Variants in RPH3A observed in about 807,000 individuals in gnomAD.
RPH3A encodes rabphilin-3A.
In RPH3A, 48 loss-of-function variants were observed where a neutral mutation model predicts 102.2. That is an observed-to-expected ratio of 0.47 (90% CI 0.37 to 0.60). The LOEUF (loss-of-function observed/expected upper bound fraction) is 0.60, where lower values mean the gene tolerates loss of function less well. RPH3A is among the 20% of genes least tolerant of loss of function. RPH3A has a pLI of 0.00. For synonymous variants in RPH3A, 310 were observed against 324.3 expected (o/e 0.96, Z 0.47); for missense variants, 781 against 910.1 (o/e 0.86, Z 1.83).
At chr12:112,612,777 G>A (rs2039649049) in intron 1 of RPH3A, among the ~76,000 whole-genome samples, 1 of 151,326 alleles carries the variant, frequency 6.6e-6, no homozygotes, top group African/African-American at 2.4e-5. Flanking sequence ...AGTTTCATCA[G>A]ATTGCCCAAG....
upstream of RPH3A, among the ~76,000 whole-genome samples, chr12:112,788,829 C>G (rs1008055354): frequency 6.6e-6 from 1 of 152,138 alleles, no homozygotes; most frequent in African/African-American, 2.4e-5. Context: ...AAATGACTTT[C>G]ATTTCTCCCT....
intron 14 of RPH3A, 28 bp from the exon 15 acceptor site, chr12:112,881,744 C>T (rs765005593): frequency 1.3e-6 from 2 of 1,577,254 alleles, no homozygotes; most frequent in Non-Finnish European, 1.7e-6. Flanking sequence ...TCCTGAGGCC[C>T]TCACACCATT....
chr12:112,740,987 G>A (rs2040705022), intron 1 of RPH3A, among the ~76,000 whole-genome samples: 1 of 152,120 alleles, frequency 6.6e-6, no homozygotes, highest in Non-Finnish European at 1.5e-5. Flanking sequence ...TGCACTCCCA[G>A]TCACTTCTCG....
intron 1 of RPH3A, among the ~76,000 whole-genome samples, chr12:112,587,441 A>G (rs2039446970): frequency 6.6e-6 from 1 of 152,186 alleles, no homozygotes; most frequent in African/African-American, 2.4e-5. Flanking sequence ...GAGCTATGTG[A>G]TCTTGGATAA....
intron 2 of RPH3A, among the ~76,000 whole-genome samples, chr12:112,819,343 A>G (rs755488686): frequency 1.8e-4 from 28 of 152,130 alleles, no homozygotes; most frequent in Non-Finnish European, 4.1e-4. Flanking sequence ...CCTGGCTTCA[A>G]GTGAGCCACC....
At chr12:112,820,861 AG>A (rs2041765467) in intron 2 of RPH3A, among the ~76,000 whole-genome samples, 1 of 152,076 alleles carries the variant, frequency 6.6e-6, no homozygotes, top group South Asian at 2.1e-4. Context: ...AACCATATGG[AG>A]GGGACAGTGA....
chr12:112,875,209 C>T (rs1452330748), intron 11 of RPH3A, 39 bp downstream of exon 11: 2 of 1,505,596 alleles, frequency 1.3e-6, no homozygotes, highest in Non-Finnish European at 1.8e-6. Flanking sequence ...CCCAGGCTGT[C>T]ACTCGGCTGT....
At chr12:112,795,211 C>T (rs1038509928) in intron 2 of RPH3A, among the ~76,000 whole-genome samples, 1 of 152,204 alleles carries the variant, frequency 6.6e-6, no homozygotes, top group Non-Finnish European at 1.5e-5. Context: ...CAATAAAAAC[C>T]ACCATGACAC....
At chr12:112,855,758 C>G (rs2042399537) in intron 5 of RPH3A, among the ~76,000 whole-genome samples, 2 of 152,146 alleles carry the variant, frequency 1.3e-5, no homozygotes, top group South Asian at 4.2e-4. Flanking sequence ...AGCAGATGGC[C>G]CAATTTTGAC....
rs1593144977 is a variant in RPH3A, at chr12:112,898,170, C to T, written c.*1390C>T. On this transcript the variant is annotated 3_prime_UTR_variant, in exon 22 of 22. Coordinates refer to ENST00000389385, the MANE Select transcript of RPH3A (RefSeq NM_001143854.2). ...CAGTAGAGAGAGACAGGCCTGATGC[C>T]AAAGGCTTTGGGCTCATCATCAATC... The T allele has an allele frequency of 6.6e-6, 1 of 152,252 alleles. No individual in the cohort carries two copies. Among genetic ancestry groups the T allele is most frequent in the Non-Finnish European group, 1.5e-5 (1 of 68,004 alleles). 9.4% of individuals were successfully genotyped at this position (152,252 alleles called of 1,614,324 possible). A position where few individuals can be genotyped will look rare whatever the true frequency, so the allele number is the denominator to read the frequency against.
chr12:112,744,123 T>C (rs770672290), intron 1 of RPH3A, among the ~76,000 whole-genome samples: 1 of 152,204 alleles, frequency 6.6e-6, no homozygotes, highest in Non-Finnish European at 1.5e-5. Flanking sequence ...TAGCCCAGGC[T>C]GGATTGCAGT....
At chr12:112,650,555 A>G (rs2039966331) in intron 1 of RPH3A, among the ~76,000 whole-genome samples, 2 of 152,090 alleles carry the variant, frequency 1.3e-5, no homozygotes, top group South Asian at 4.1e-4. Context: ...ATCCCCTTTT[A>G]TATATCCTTT....
intron 1 of RPH3A, among the ~76,000 whole-genome samples, chr12:112,713,032 T>TTCCTCTTCC (rs2040486186): frequency 1.3e-5 from 1 of 76,392 alleles, no homozygotes; most frequent in Non-Finnish European, 2.3e-5. Flanking sequence ...CCTCTTCTTC[T>TTCCTCTTCC]TCTTCTTCTT....
At chr12:112,847,960 TG>T in intron 5 of RPH3A, 118 bp downstream of exon 5, 1 of 1,179,402 alleles carries the variant, frequency 8.5e-7, no homozygotes, top group South Asian at 1.6e-5. Flanking sequence ...CTTTGCCATT[TG>T]TGACTTACGG....
chr12:112,881,869 C>T (rs536812108), intron 15 of RPH3A, 23 bp downstream of exon 15: 2 of 1,597,170 alleles, frequency 1.3e-6, no homozygotes, highest in African/African-American at 1.3e-5. Context: ...CTGGGCTTCT[C>T]TGCAAACCGG....
intron 2 of RPH3A, among the ~76,000 whole-genome samples, chr12:112,824,965 T>A (rs936504232): frequency 7.9e-5 from 12 of 152,020 alleles, no homozygotes; most frequent in African/African-American, 2.9e-4. Context: ...AAGGCCAGTG[T>A]CTTCTCTCTG....
chr12:112,805,202 G>A (rs1030960455), intron 2 of RPH3A, among the ~76,000 whole-genome samples: 5 of 152,134 alleles, frequency 3.3e-5, no homozygotes, highest in African/African-American at 1.2e-4. Flanking sequence ...CAAGTGGACA[G>A]CCCTAAATTT....
intron 1 of RPH3A, among the ~76,000 whole-genome samples, chr12:112,619,218 C>T (rs1475316304): frequency 6.9e-6 from 1 of 144,402 alleles, no homozygotes; most frequent in Non-Finnish European, 1.5e-5. Context: ...GGGTATATAC[C>T]CAGGAATGGA....
intron 1 of RPH3A, among the ~76,000 whole-genome samples, chr12:112,712,966 TCTTC>T (rs2040480911): frequency 9.6e-6 from 1 of 104,488 alleles, no homozygotes; most frequent in African/African-American, 3.1e-5. Context: ...TCTTCTTCTT[TCTTC>T]TTCTTTCTTC....
Sources: allele counts gnomAD v4.1 joint callset (sites outside exome capture counted in the v4.1 genomes callset), GRCh38; gene constraint gnomAD v4.1.1; transcripts MANE v1.5; gene names NCBI Gene and HGNC (gene_info 2026-07-23, HGNC 2026-07-21).